The following SEZ6L2 variants were observed in gnomAD, a reference collection of about 807,000 sequenced individuals.
The protein encoded by SEZ6L2 is seizure 6-like protein 2.
In SEZ6L2, 44 loss-of-function variants were observed where a neutral mutation model predicts 97.0. The observed-to-expected ratio is 0.45, with a 90% CI of 0.36 to 0.58. The LOEUF (loss-of-function observed/expected upper bound fraction) is 0.58. Among genes scored for constraint, SEZ6L2 ranks in the 20% least tolerant of loss-of-function variants. The pLI is 0.00. For synonymous variants in SEZ6L2, 543 were observed against 546.1 expected, an observed-to-expected ratio of 0.99 and a Z score of 0.08; for missense variants, 1,086 against 1,233.3, an observed-to-expected ratio of 0.88 and a Z score of 1.79.
chr16:29,877,593 A>G, intron 10 of SEZ6L2, 126 bp from the exon 11 acceptor site: 2 of 893,142 alleles, frequency 2.2e-6, no homozygotes, highest in East Asian at 2.9e-5. Flanking sequence ...ATATTCTCCT[A>G]TCCCAGGTCT....
intron 5 of SEZ6L2, among the ~76,000 whole-genome samples, 174 bp from the exon 6 acceptor site, chr16:29,888,899 G>A (rs140788576): frequency 6.7e-4 from 101 of 150,830 alleles, no homozygotes; most frequent in Middle Eastern, 3.4e-3. Context: ...ACCTTGCCTC[G>A]CGAACAGGAA....
intron 5 of SEZ6L2, among the ~76,000 whole-genome samples, chr16:29,889,244 C>A (rs2068216779): frequency 6.6e-6 from 1 of 152,064 alleles, no homozygotes; most frequent in Admixed American, 6.6e-5. Context: ...AGTTCGAGAC[C>A]AGCCTGGCCA....
At position 29,887,770 on chromosome 16, in the gene SEZ6L2, A is replaced by T. The variant is rs1468869941; in HGVS notation, c.1087T>A (p.Ser363Thr). 6.2e-7 allele frequency: 1 copy of T among 1,613,818 alleles called. No individual in the cohort carries two copies. The highest frequency in any genetic ancestry group is 1.3e-5 in the African/African-American group (1 of 75,012). ...CCTACGGCTCCCCCAGGCTCTGGGG[A>T]CACGATGCGGCCCAGGGTGGCATTG... ...IHNATLGRIV[S>T]PEPGGAVGPN... The change falls in exon 7 of 18, where the codon TCC (serine) becomes ACC (threonine). Residue 363 changes from serine to threonine, a missense_variant. Around this residue, in one of 2 missense-constraint regions of SEZ6L2, gnomAD observed 776 missense variants for 794.7 expected, o/e 0.98. Coordinates refer to ENST00000617533, the MANE Select transcript of SEZ6L2 (RefSeq NM_001243332.2).
At position 29,889,614 on chromosome 16, in the gene SEZ6L2, C is replaced by CTT. The variant is rs869108927; in HGVS notation, c.854-891_854-890dup. 8.6e-3 allele frequency among the ~76,000 whole-genome samples: 608 copies of CTT among 70,554 alleles called. 89 individuals carry two copies. The highest frequency in any genetic ancestry group is 0.014 in the Non-Finnish European group (465 of 32,824). 46.3% of individuals were successfully genotyped at this position (70,554 alleles called of 152,430 possible). A position where few individuals can be genotyped will look rare whatever the true frequency, so the allele number is the denominator to read the frequency against. ...CATCCAGAAGAACCACTTGAAACTT[C>CTT]TTTTTTTTTTTTTTTTTTTTTTTTT... On this transcript the variant is annotated intron_variant, in intron 5 of 17. Coordinates refer to ENST00000617533, the MANE Select transcript of SEZ6L2 (RefSeq NM_001243332.2).
intron 8 of SEZ6L2, among the ~76,000 whole-genome samples, chr16:29,881,297 T>C (rs2068025152): frequency 1.3e-5 from 2 of 152,054 alleles, no homozygotes; most frequent in South Asian, 4.1e-4. Context: ...CAAAAGCAGG[T>C]CTCAAACCCA....
Position 29,873,553 on chromosome 16 carries a change from C to T in SEZ6L2, c.2281G>A (p.Val761Ile). 2 of 1,614,206 alleles carry T rather than the reference C, an allele frequency of 1.2e-6. No individual in the cohort carries two copies. Among genetic ancestry groups the T allele is most frequent in the Admixed American group, 3.3e-5 (2 of 60,022 alleles). The change falls in exon 13 of 18, where the codon GTC becomes ATC. Residue 761 changes from valine to isoleucine, a missense_variant. Val to Ile is a conservative substitution (Grantham distance 29). This residue lies in a region of SEZ6L2 where 310 missense variants were observed against 438.6 expected (regional missense o/e 0.71). Transcript: ENST00000617533. The surrounding 1 kb of genome is among the most constrained non-coding windows in gnomAD (Gnocchi z 4.3). ...CCAGACTCACAGGCGCATTTGGGGA[C>T]CCTATCGCTCCACTTGGGTGTGCCT... ...DTGTPKWSDR[V>I]PKCALKYEPC... is the part of the protein sequence containing the mutation.
chr16:29,899,167 T>C lies in SEZ6L2; in HGVS notation c.-148A>G. On this transcript the variant is annotated 5_prime_UTR_variant, in exon 1 of 18. Transcript: ENST00000617533. ...AGTCAGCAAAGAAAGACAATTTCTC[T>C]GCCCCTTGGGATGGAGGGGCAGAAT... The C allele has an allele frequency of 1.5e-6, 1 of 648,664 alleles. No homozygotes were observed. The highest frequency in any genetic ancestry group is 2.6e-6 in the Non-Finnish European group (1 of 387,320). The allele number at this position is 648,664 out of a possible 1,614,324, so 40.2% of individuals were successfully genotyped here. A position where few individuals can be genotyped will look rare whatever the true frequency, so the allele number is the denominator to read the frequency against.
chr16:29,871,818 T>A, intron 17 of SEZ6L2, 90 bp from the exon 18 acceptor site: 2 of 1,189,778 alleles, frequency 1.7e-6, no homozygotes, highest in Non-Finnish European at 2.5e-6. Context: ...TCCTGGGTTT[T>A]AAAGTAACAT....
In SEZ6L2 at chr16:29,873,542, G is replaced by A. The variant is rs140578955; in HGVS notation, c.2292C>T (p.Cys764=). ...CAGGGTGTGCCCCAGACTCACAGGC[G>A]CATTTGGGGACCCTATCGCTCCACT... ...TPKWSDRVPK[C]ALKYEPCLNP... is the part of the protein sequence containing the mutation. Residue 764 remains cysteine (C), a synonymous_variant, in exon 13 of 18, where the codon TGC becomes TGT. Coordinates refer to ENST00000617533, the MANE Select transcript of SEZ6L2 (RefSeq NM_001243332.2). The surrounding 1 kb of genome is among the most constrained non-coding windows in gnomAD (Gnocchi z 4.3). The A allele has an allele frequency of 4.0e-5, 65 of 1,614,028 alleles. No individual in the cohort carries two copies. Among genetic ancestry groups the A allele is most frequent in the South Asian group, 1.4e-4 (13 of 91,084 alleles).
In SEZ6L2 at chr16:29,873,490, T is replaced by A. The variant is rs1255140208; in HGVS notation, c.2296+48A>T. The A allele has an allele frequency of 7.4e-6, 12 of 1,613,624 alleles. No homozygotes were observed. The highest frequency in any genetic ancestry group is 1.0e-5 in the Non-Finnish European group (12 of 1,179,882). On this transcript the variant is annotated intron_variant, in intron 13 of 17. Transcript: ENST00000617533. This position sits in a 1 kb window ranked among gnomAD's most constrained non-coding sequence, Gnocchi z 4.3. ...ACTACTGTGCACGGGGCAGACGGGC[T>A]CTCCCAGGGCTACCCAGCCACCCTC...
At position 29,895,434 on chromosome 16, in the gene SEZ6L2, T is replaced by C. The variant is rs758295797; in HGVS notation, c.678A>G (p.Glu226=). The C allele has an allele frequency of 6.2e-7, 1 of 1,614,104 alleles. No individual in the cohort carries two copies. Among genetic ancestry groups the C allele is most frequent in the Admixed American group, 1.7e-5 (1 of 60,018 alleles). ...IQVQTLNLSQ[E]EELLVLAGGG... ...CACCAGCCAGCACCAGGAGCTCCTCTTCCTGTGACAGGTTCAGCGTCTGCA... is the reference window on the plus strand; with the variant it reads ...CACCAGCCAGCACCAGGAGCTCCTCCTCCTGTGACAGGTTCAGCGTCTGCA... Residue 226 remains glutamate, a synonymous_variant, in exon 5 of 18, where the codon GAA becomes GAG. Coordinates refer to ENST00000617533, the MANE Select transcript of SEZ6L2 (RefSeq NM_001243332.2).
Position 29,873,077 on chromosome 16 carries a change from C to T in SEZ6L2, c.2488+163G>A, listed in dbSNP as rs1456171063. Among the ~76,000 whole-genome samples the T allele has an allele frequency of 2.0e-5, 3 of 152,232 alleles. No homozygotes were observed. Among genetic ancestry groups the T allele is most frequent in the Admixed American group, 2.0e-4 (3 of 15,276 alleles). ...CCTGAGCCAATCCCATGACCTCACACGACCCAGGGCTTCTGGACACACCCG... is the reference window on the plus strand; with the variant it reads ...CCTGAGCCAATCCCATGACCTCACATGACCCAGGGCTTCTGGACACACCCG... On this transcript the variant is annotated intron_variant, in intron 14 of 17. Transcript: ENST00000617533. The surrounding 1 kb of genome is among the most constrained non-coding windows in gnomAD (Gnocchi z 4.3).
In SEZ6L2 at chr16:29,893,224, T is replaced by C. The variant is rs147795666; in HGVS notation, c.853+2035A>G. Among the ~76,000 whole-genome samples, 1,445 of 152,038 alleles carry C rather than the reference T, an allele frequency of 9.5e-3. 12 individuals carry two copies. Among genetic ancestry groups the C allele is most frequent in the Non-Finnish European group, 0.015 (1,053 of 67,982 alleles). On this transcript the variant is annotated intron_variant, in intron 5 of 17. Transcript: ENST00000617533. ...TTGTAATCCCAGCTACTCAGGAGGC[T>C]GAGGCAGGAGAATCGCTTGAACCCG...
rs1002887967 is a variant in SEZ6L2, at chr16:29,873,843, G to A, written c.2105-114C>T. 3.0e-5 allele frequency: 27 copies of A among 909,920 alleles called. No homozygotes were observed. Among genetic ancestry groups the A allele is most frequent in the African/African-American group, 5.0e-5 (3 of 59,624 alleles). The allele number at this position is 909,920 out of a possible 1,614,324, so 56.4% of individuals were successfully genotyped here. On this transcript the variant is annotated intron_variant, in intron 12 of 17. Coordinates refer to ENST00000617533, the MANE Select transcript of SEZ6L2 (RefSeq NM_001243332.2). This position sits in a 1 kb window ranked among gnomAD's most constrained non-coding sequence, Gnocchi z 4.3. ...TGAAAAATTAGCCAGGAGTGGTGGC[G>A]CACTCCTGTGGTTCCAGCTACTCAG...
At position 29,873,103 on chromosome 16, in the gene SEZ6L2, T is replaced by G. The variant is rs542144568; in HGVS notation, c.2488+137A>C. 53 of 988,398 alleles carry G rather than the reference T, an allele frequency of 5.4e-5. 1 individual carries two copies. In the Admixed American group the frequency reaches 1.1e-3, roughly 21 times the overall value. 61.2% of individuals were successfully genotyped at this position (988,398 alleles called of 1,614,324 possible). On this transcript the variant is annotated intron_variant, in intron 14 of 17. Coordinates refer to ENST00000617533, the MANE Select transcript of SEZ6L2 (RefSeq NM_001243332.2). The surrounding 1 kb of genome is among the most constrained non-coding windows in gnomAD (Gnocchi z 4.3). ...GACCCAGGGCTTCTGGACACACCCG[T>G]GAGGACACGAGGCCACAGGAGGAGA...
At position 29,887,305 on chromosome 16, in the gene SEZ6L2, CT is replaced by C. The variant is rs1037378473; in HGVS notation, c.1208+343del. On this transcript the variant is annotated intron_variant, in intron 7 of 17. Transcript: ENST00000617533. ...CCCTACTTCCCTGAGGTGGGGACTT[CT>C]TTTTTTTTTTTTGAGACGGAGTCTC... is the stretch of plus-strand genomic sequence containing the variant. 5.0e-3 allele frequency among the ~76,000 whole-genome samples: 702 copies of C among 140,292 alleles called. 3 individuals are homozygous for C. Among genetic ancestry groups the C allele is most frequent in the African/African-American group, 0.012 (477 of 38,888 alleles). 92.0% of individuals were successfully genotyped at this position (140,292 alleles called of 152,430 possible).
Position 29,895,483 on chromosome 16 carries a change from C to T in SEZ6L2, c.652-23G>A, listed in dbSNP as rs776034085. On this transcript the variant is annotated intron_variant, in intron 4 of 17. Transcript: ENST00000617533. ...CACCTAGAGAAGCCAGACACAGACC[C>T]GCCAGGGCAAGTCAGCCAGGTGTTT... 5.5e-5 allele frequency: 89 copies of T among 1,610,784 alleles called. No homozygotes were observed. The South Asian group carries it at 7.5e-4, about 14-fold the overall frequency.
intron 10 of SEZ6L2, 78 bp downstream of exon 10, chr16:29,878,209 G>A: frequency 6.9e-7 from 1 of 1,439,930 alleles, no homozygotes; most frequent in Non-Finnish European, 9.3e-7. Context: ...GACAGGCTCA[G>A]AATGCAGGCT....
At chr16:29,871,757 T>TG in intron 17 of SEZ6L2, 29 bp from the exon 18 acceptor site, 1 of 1,601,304 alleles carries the variant, frequency 6.2e-7, no homozygotes, top group Non-Finnish European at 8.5e-7. Flanking sequence ...GGTCAGTTGT[T>TG]GGAGTCTGAT....
Sources: allele counts gnomAD v4.1 joint callset (sites outside exome capture counted in the v4.1 genomes callset), GRCh38; gene constraint gnomAD v4.1.1; regional missense constraint gnomAD v4.1.1; non-coding constraint Gnocchi (gnomAD v3.1); transcripts MANE v1.5; gene names NCBI Gene and HGNC (gene_info 2026-07-23, HGNC 2026-07-21).